The following MAT2A variants were observed in gnomAD, a reference collection of about 807,000 sequenced individuals.
MAT2A encodes methionine adenosyltransferase 2A.
A neutral mutation model predicts 43.9 loss-of-function variants in MAT2A; 3 were observed. The ratio of observed to expected loss-of-function variants is 0.07; its 90% confidence interval spans 0.03 to 0.18. The LOEUF (loss-of-function observed/expected upper bound fraction) is 0.18. Ranked by LOEUF, MAT2A falls within the 10% of genes least tolerant of loss-of-function variation. The pLI is 1.00. For missense variants in MAT2A, 204 were observed against 489.0 expected (o/e 0.42, Z 5.50); for synonymous variants, 200 against 168.4 (o/e 1.19, Z -1.45).
chr2:85,541,785 T>G lies in MAT2A; in HGVS notation c.405+40T>G, dbSNP rs1691482598. 22 of 1,613,876 alleles carry G rather than the reference T, an allele frequency of 1.4e-5. No homozygotes were observed. The East Asian group carries it at 4.0e-4, about 29-fold the overall frequency. On this transcript the variant is annotated intron_variant, in intron 4 of 8. Coordinates refer to ENST00000306434, the MANE Select transcript of MAT2A (RefSeq NM_005911.6). ...AGGCTGTTTTAATCTCTTCTAACAT[T>G]AAATTCTGGAGCTTGATCACATTGG...
chr2:85,541,074 C>G lies in MAT2A; in HGVS notation c.92-9C>G. On this transcript the variant is annotated splice_polypyrimidine_tract_variant and intron_variant, in intron 1 of 8. Coordinates refer to ENST00000306434, the MANE Select transcript of MAT2A (RefSeq NM_005911.6). The stretch of plus-strand genomic sequence containing the variant: ...TAAAGAAACTGAGCCAGGAATTTCT[C>G]TTTTCCAGATAAGATTTGTGACCAA... The G allele has an allele frequency of 1.2e-6, 2 of 1,603,820 alleles. No homozygotes were observed. Among genetic ancestry groups the G allele is most frequent in the Non-Finnish European group, 1.7e-6 (2 of 1,174,010 alleles).
intron 8 of MAT2A, 38 bp downstream of exon 8, chr2:85,543,072 G>C (rs1225485540): frequency 6.2e-7 from 1 of 1,603,140 alleles, no homozygotes; most frequent in East Asian, 2.2e-5. Context: ...CAAGTATTGA[G>C]GGTGTTGGGT....
Position 85,542,291 on chromosome 2 carries a change from C to T in MAT2A, c.686C>T (p.Ala229Val), listed in dbSNP as rs1377986516. Residue 229 changes from alanine (A) to valine (V), a missense_variant, in exon 6 of 9, where the codon GCA becomes GTA. Physicochemically the swap from Ala to Val is moderately conservative, Grantham distance 64. Around this residue, in one of 6 missense-constraint regions of MAT2A, gnomAD observed 103 missense variants for 226.4 expected, o/e 0.45. Coordinates refer to ENST00000306434, the MANE Select transcript of MAT2A (RefSeq NM_005911.6). ...GCCCTAAAGGAGAAAGTCATCAAAG[C>T]AGTTGTGCCTGCGAAATACCTTGAT... ...RDALKEKVIK[A>V]VVPAKYLDED... 7 of 1,614,152 alleles carry T rather than the reference C, an allele frequency of 4.3e-6. No individual in the cohort carries two copies. The highest frequency in any genetic ancestry group is 5.9e-6 in the Non-Finnish European group (7 of 1,180,002).
In MAT2A at chr2:85,541,031, A is replaced by T. The variant is rs1691464059; in HGVS notation, c.92-52A>T. The T allele has an allele frequency of 3.1e-6, 4 of 1,296,054 alleles. No individual in the cohort carries two copies. In the East Asian group the frequency reaches 6.9e-5, roughly 23 times the overall value. 80.3% of individuals were successfully genotyped at this position (1,296,054 alleles called of 1,614,324 possible). On this transcript the variant is annotated intron_variant, in intron 1 of 8. Transcript: ENST00000306434. ...AGGGAGGGAGCTTGCATACATACAT[A>T]CATACTTTGTTTAAAGTTAAAGAAA... is the stretch of plus-strand genomic sequence containing the variant.
chr2:85,539,300 C>G lies in MAT2A; in HGVS notation c.13C>G (p.Leu5Val). The G allele has an allele frequency of 6.2e-7, 1 of 1,605,602 alleles. No individual in the cohort carries two copies. Among genetic ancestry groups the G allele is most frequent in the Non-Finnish European group, 8.5e-7 (1 of 1,176,546 alleles). MNGQ[L>V]NGFHEAFIEE... ...CACCGACACCAACATGAACGGACAG[C>G]TCAACGGCTTCCACGAGGCGTTCAT... The change falls in exon 1 of 9, where the codon CTC becomes GTC. Residue 5 changes from leucine (L) to valine (V), a missense_variant. By Grantham distance (32) the Leu-to-Val change is conservative. This residue lies in a region of MAT2A where 36 missense variants were observed against 24.2 expected (regional missense o/e 1.49). Coordinates refer to ENST00000306434, the MANE Select transcript of MAT2A (RefSeq NM_005911.6).
Position 85,539,451 on chromosome 2 carries a change from G to A in MAT2A, c.91+73G>A, listed in dbSNP as rs1328525077. On this transcript the variant is annotated intron_variant, in intron 1 of 8. Transcript: ENST00000306434. ...GCCAAGGTCCGGCTGGCTGCGGCCG[G>A]CCGGTGGTGGGGCCCGCGCGGGTCG... 149 of 1,247,752 alleles carry A rather than the reference G, an allele frequency of 1.2e-4. 3 individuals carry two copies. The highest frequency in any genetic ancestry group is 9.6e-4 in the Middle Eastern group (4 of 4,154). The allele number at this position is 1,247,752 out of a possible 1,614,324, so 77.3% of individuals were successfully genotyped here. A position where few individuals can be genotyped will look rare whatever the true frequency, so the allele number is the denominator to read the frequency against.
chr2:85,539,252 T>A lies in MAT2A; in HGVS notation c.-36T>A. The stretch of plus-strand genomic sequence containing the variant: ...GCAGCCGCTGCCGCCTCGCCGCTGC[T>A]CCTTCGTAAGGCCACTTCCGCACAC... On this transcript the variant is annotated 5_prime_UTR_variant, in exon 1 of 9. Coordinates refer to ENST00000306434, the MANE Select transcript of MAT2A (RefSeq NM_005911.6). 6.6e-7 allele frequency: 1 copy of A among 1,505,058 alleles called. No homozygotes were observed. Among genetic ancestry groups the A allele is most frequent in the Non-Finnish European group, 9.2e-7 (1 of 1,092,312 alleles). The allele number at this position is 1,505,058 out of a possible 1,614,324, so 93.2% of individuals were successfully genotyped here.
chr2:85,542,037 T>C, intron 5 of MAT2A, 65 bp downstream of exon 5: 1 of 1,594,626 alleles, frequency 6.3e-7, no homozygotes, highest in Non-Finnish European at 8.6e-7. Flanking sequence ...TCCATAATTT[T>C]GATAATAGCT....
intron 7 of MAT2A, 30 bp downstream of exon 7, chr2:85,542,777 A>G (rs1380214018): frequency 1.9e-6 from 3 of 1,575,956 alleles, no homozygotes; most frequent in East Asian, 2.2e-5. Context: ...CGAACGATTA[A>G]AAGTCATGTA....
intron 8 of MAT2A, 77 bp from the exon 9 acceptor site, chr2:85,543,593 G>A (rs1439586029): frequency 1.3e-5 from 12 of 940,106 alleles, no homozygotes; most frequent in Non-Finnish European, 4.9e-6. Context: ...CAGAGCTCTT[G>A]AAAATGAGTC....
At position 85,542,984 on chromosome 2, in the gene MAT2A, A is replaced by G. The variant is rs1691516906; in HGVS notation, c.1035A>G (p.Leu345=). The G allele has an allele frequency of 2.5e-6, 4 of 1,613,544 alleles. No homozygotes were observed. Among genetic ancestry groups the G allele is most frequent in the East Asian group, 4.5e-5 (2 of 44,898 alleles). Residue 345 remains leucine (L), a synonymous_variant, in exon 8 of 9, where the codon CTA becomes CTG. Transcript: ENST00000306434. The part of the protein sequence containing the change: ...YGTSQKSERE[L]LEIVKKNFDL... ...CCTCTCAGAAGAGTGAGAGAGAGCTATTAGAGATTGTGAAGAAGAATTTCG... is the reference window on the plus strand; with the variant it reads ...CCTCTCAGAAGAGTGAGAGAGAGCTGTTAGAGATTGTGAAGAAGAATTTCG...
In MAT2A at chr2:85,544,353, G is replaced by A. The variant is rs1174140129; in HGVS notation, c.*581G>A. On this transcript the variant is annotated 3_prime_UTR_variant, in exon 9 of 9. Coordinates refer to ENST00000306434, the MANE Select transcript of MAT2A (RefSeq NM_005911.6). ...ATCTTGCATGTAACGCAAGTTCCCA[G>A]TTGGAGCTCCAGCCTGACATCAAAA... 3 of 152,626 alleles carry A rather than the reference G, an allele frequency of 2.0e-5. No homozygotes were observed. The highest frequency in any genetic ancestry group is 7.2e-5 in the African/African-American group (3 of 41,454). 9.5% of individuals were successfully genotyped at this position (152,626 alleles called of 1,614,324 possible). A position where few individuals can be genotyped will look rare whatever the true frequency, so the allele number is the denominator to read the frequency against.
In MAT2A at chr2:85,542,160, T is replaced by C; in HGVS notation, c.555T>C (p.Thr185=). ...TGACCTGTGTTGCCTTCAAGGTTAC[T>C]GTGCAGTATATGCAGGATCGAGGTG... ...WLRPDSKTQV[T]VQYMQDRGAV... is the part of the protein sequence containing the mutation. The change falls in exon 6 of 9, where the codon ACT becomes ACC. Residue 185 remains threonine, a synonymous_variant. Coordinates refer to ENST00000306434, the MANE Select transcript of MAT2A (RefSeq NM_005911.6). The C allele has an allele frequency of 1.9e-6, 3 of 1,613,696 alleles. No individual in the cohort carries two copies. Among genetic ancestry groups the C allele is most frequent in the Non-Finnish European group, 8.5e-7 (1 of 1,179,578 alleles).
chr2:85,541,739 A>G lies in MAT2A; in HGVS notation c.399A>G (p.Gly133=). Residue 133 remains glycine, a synonymous_variant, in exon 4 of 9, where the codon GGA becomes GGG. Coordinates refer to ENST00000306434, the MANE Select transcript of MAT2A (RefSeq NM_005911.6). ...GAAATGAAGAAGACATTGGTGCTGG[A>G]GACCAGGTATCTTGGTGTAGAGGCT... ...LDRNEEDIGA[G]DQGLMFGYAT... The G allele has an allele frequency of 1.2e-6, 2 of 1,614,160 alleles. No individual in the cohort carries two copies. Among genetic ancestry groups the G allele is most frequent in the Non-Finnish European group, 8.5e-7 (1 of 1,179,948 alleles).
intron 8 of MAT2A, 46 bp from the exon 9 acceptor site, chr2:85,543,619 CTTTAT>C (rs1412383960): frequency 8.8e-7 from 1 of 1,130,554 alleles, no homozygotes; most frequent in East Asian, 2.4e-5. Context: ...GATTGTTTTG[CTTTAT>C]TTTAATTTAA....
At chr2:85,541,028 C>G (rs1573307781) in intron 1 of MAT2A, 55 bp from the exon 2 acceptor site, 1 of 1,227,080 alleles carries the variant, frequency 8.1e-7, no homozygotes, top group East Asian at 2.3e-5. Context: ...TGCATACATA[C>G]ATACATACTT....
chr2:85,542,844 A>G, intron 7 of MAT2A, 57 bp from the exon 8 acceptor site: 1 of 1,584,204 alleles, frequency 6.3e-7, no homozygotes, highest in Non-Finnish European at 8.6e-7. Context: ...CCAACGTATT[A>G]TACAAGTATA....
Position 85,541,513 on chromosome 2 carries a change from A to G in MAT2A, c.293-120A>G, listed in dbSNP as rs183624165. The G allele has an allele frequency of 1.2e-4, 155 of 1,316,234 alleles. No homozygotes were observed. The African/African-American group carries it at 2.1e-3, about 18-fold the overall frequency. 81.5% of individuals were successfully genotyped at this position (1,316,234 alleles called of 1,614,324 possible). Reference sequence around the variant, plus strand: ...CTAAGCCCTATTCTGTTCATTCTCTAAAAGGTCCGATGGTTTAGGTATATT... The same window carrying G: ...CTAAGCCCTATTCTGTTCATTCTCTGAAAGGTCCGATGGTTTAGGTATATT... On this transcript the variant is annotated intron_variant, in intron 3 of 8. Coordinates refer to ENST00000306434, the MANE Select transcript of MAT2A (RefSeq NM_005911.6).
At chr2:85,539,882 A>C (rs541498549) in intron 1 of MAT2A, 1 of 154,440 alleles carries the variant, frequency 6.5e-6, no homozygotes, top group African/African-American at 2.4e-5. Flanking sequence ...CCTCAGTTTG[A>C]GGGGTGGGGG....
Sources: allele counts gnomAD v4.1 joint callset, GRCh38; gene constraint gnomAD v4.1.1; regional missense constraint gnomAD v4.1.1; transcripts MANE v1.5; gene names NCBI Gene and HGNC (gene_info 2026-07-23, HGNC 2026-07-21).